DLC1: variants seen among roughly 807,000 people sequenced by gnomAD.
DLC1 encodes rho GTPase-activating protein 7.
A neutral mutation model predicts 140.3 loss-of-function variants in DLC1; 54 were observed. The ratio of observed to expected loss-of-function variants is 0.38; its 90% CI spans 0.31 to 0.48. The LOEUF (loss-of-function observed/expected upper bound fraction) is 0.48. DLC1 is among the 20% of genes least tolerant of loss of function. DLC1 has a pLI of 0.96. For synonymous variants in DLC1, 986 were observed against 728.1 expected (o/e 1.35, Z -5.70); for missense variants, 2,536 against 1,907.0 (o/e 1.33, Z -6.14).
At chr8:13,251,263 G>A (rs546141618) in intron 5 of DLC1, among the ~76,000 whole-genome samples, 1 of 152,254 alleles carries the variant, frequency 6.6e-6, no homozygotes, top group East Asian at 1.9e-4. Flanking sequence ...TCCTAACACA[G>A]TAACATCGGG....
chr8:13,118,941 G>A (rs1330335086), intron 5 of DLC1, among the ~76,000 whole-genome samples: 2 of 152,092 alleles, frequency 1.3e-5, no homozygotes, highest in Non-Finnish European at 2.9e-5. Flanking sequence ...TAAAGAATGA[G>A]GTCTTAGCTC....
intron 2 of DLC1, among the ~76,000 whole-genome samples, chr8:13,492,749 T>C (rs1308547317): frequency 6.6e-6 from 1 of 152,210 alleles, no homozygotes. Context: ...CCAGACGCTA[T>C]ACCTAGCGTT....
chr8:13,154,572 C>T lies in DLC1; in HGVS notation c.1349-38915G>A, dbSNP rs186822329. 9.7e-3 allele frequency among the ~76,000 whole-genome samples: 1,470 copies of T among 152,260 alleles called. 18 individuals are homozygous for T. Among genetic ancestry groups the T allele is most frequent in the African/African-American group, 0.033 (1,364 of 41,546 alleles). On this transcript the variant is annotated intron_variant, in intron 5 of 17. Coordinates refer to ENST00000276297, the MANE Select transcript of DLC1 (RefSeq NM_182643.3). ...AGTGCGCAGCCCCGGTTCCTGCTGG[C>T]GCCTCTCCCTCCACACCTCCCGGCA... is the stretch of plus-strand genomic sequence containing the variant.
At chr8:13,215,211 CA>C (rs1214978923) in intron 5 of DLC1, among the ~76,000 whole-genome samples, 2 of 151,930 alleles carry the variant, frequency 1.3e-5, no homozygotes, top group Non-Finnish European at 2.9e-5. Flanking sequence ...AAACGTCTTA[CA>C]AAAAAATAAT....
intron 2 of DLC1, among the ~76,000 whole-genome samples, chr8:13,403,575 T>C (rs1260644610): frequency 6.6e-6 from 1 of 152,186 alleles, no homozygotes. Context: ...TGTCAAGATA[T>C]AAGCAAAGGA....
chr8:13,239,526 C>T (rs1423012957), intron 5 of DLC1, among the ~76,000 whole-genome samples: 1 of 152,130 alleles, frequency 6.6e-6, no homozygotes, highest in Non-Finnish European at 1.5e-5. Flanking sequence ...GGATCTGCGG[C>T]TGTGATCAGC....
intron 5 of DLC1, among the ~76,000 whole-genome samples, chr8:13,162,188 G>T (rs763890943): frequency 1.3e-5 from 2 of 152,098 alleles, no homozygotes; most frequent in African/African-American, 2.4e-5. Flanking sequence ...AACATAAGAG[G>T]AGATCAGGAA....
At position 13,499,443 on chromosome 8, in the gene DLC1, G is replaced by A. The variant is rs1416550346; in HGVS notation, c.629C>T (p.Ala210Val). Residue 210 changes from alanine (A) to valine (V), a missense_variant, in exon 2 of 18, where the codon GCA (alanine) becomes GTA (valine). By Grantham distance (64) the Ala-to-Val change is moderately conservative. Coordinates refer to ENST00000276297, the MANE Select transcript of DLC1 (RefSeq NM_182643.3). ...SEIKDAPKVN[A>V]VDTLNVKDIA... Reference sequence around the variant, plus strand: ...ATCTTTCACGTTCAAAGTATCCACTGCATTTACTTTGGGTGCATCTTTTAT... The same window carrying A: ...ATCTTTCACGTTCAAAGTATCCACTACATTTACTTTGGGTGCATCTTTTAT... 6.2e-7 allele frequency: 1 copy of A among 1,613,988 alleles called. No individual in the cohort carries two copies.
intron 4 of DLC1, among the ~76,000 whole-genome samples, chr8:13,323,459 C>A (rs1833208680): frequency 6.6e-6 from 1 of 152,270 alleles, no homozygotes; most frequent in African/African-American, 2.4e-5. Context: ...TGGAAATAGG[C>A]AGAAAGTGGG....
intron 5 of DLC1, among the ~76,000 whole-genome samples, chr8:13,168,810 A>G (rs1028739055): frequency 4.6e-5 from 7 of 152,226 alleles, no homozygotes; most frequent in Non-Finnish European, 7.3e-5. Flanking sequence ...TCTCGTTGCT[A>G]TATCTATCTG....
At chr8:13,354,925 C>G (rs1234371805) in intron 4 of DLC1, among the ~76,000 whole-genome samples, 2 of 146,632 alleles carry the variant, frequency 1.4e-5, no homozygotes, top group Non-Finnish European at 3.0e-5. Context: ...TGCACTCCAG[C>G]CTGGATGACA....
At chr8:13,106,319 A>G (rs907428986) in intron 7 of DLC1, among the ~76,000 whole-genome samples, 3 of 152,188 alleles carry the variant, frequency 2.0e-5, no homozygotes, top group Non-Finnish European at 2.9e-5. Flanking sequence ...TTTTCTTGGA[A>G]TCTGTGCAAT....
At chr8:13,322,074 ATTGGTGT>A (rs1833149890) in intron 4 of DLC1, among the ~76,000 whole-genome samples, 2 of 152,146 alleles carry the variant, frequency 1.3e-5, no homozygotes, top group East Asian at 3.8e-4. Flanking sequence ...CATTATTTAC[ATTGGTGT>A]TTTACATGTA....
At chr8:13,230,907 T>A (rs1563183543) in intron 5 of DLC1, among the ~76,000 whole-genome samples, 1 of 152,074 alleles carries the variant, frequency 6.6e-6, no homozygotes, top group East Asian at 1.9e-4. Flanking sequence ...CAGATATAGA[T>A]TTTTGATCGA....
chr8:13,210,720 T>A (rs73663646), intron 5 of DLC1, among the ~76,000 whole-genome samples: 1,575 of 152,320 alleles, frequency 0.01, 24 homozygotes, highest in African/African-American at 0.036. Context: ...CGCTTTAGGT[T>A]TTCCACTTTC....
chr8:13,437,132 CCT>C lies in DLC1; in HGVS notation c.1024-35515_1024-35514del, dbSNP rs1839156240. Reference sequence around the variant, plus strand: ...AGTTCCTACCTCTTTTTGCTGTCTTCCTCTGTCTACGCCATTCCTACTGTTTC... The same window carrying C: ...AGTTCCTACCTCTTTTTGCTGTCTTCCTGTCTACGCCATTCCTACTGTTTC... On this transcript the variant is annotated intron_variant, in intron 2 of 17. Coordinates refer to ENST00000276297, the MANE Select transcript of DLC1 (RefSeq NM_182643.3). Among the ~76,000 whole-genome samples, 11 of 152,282 alleles carry C rather than the reference CCT, an allele frequency of 7.2e-5. No homozygotes were observed. The South Asian group carries it at 2.1e-3, about 29-fold the overall frequency.
chr8:13,492,092 A>G (rs1036254569), intron 2 of DLC1, among the ~76,000 whole-genome samples: 1 of 152,124 alleles, frequency 6.6e-6, no homozygotes, highest in African/African-American at 2.4e-5. Context: ...GGGTATAGAG[A>G]GAACTGAGCA....
At chr8:13,243,883 C>T (rs1379109945) in intron 5 of DLC1, among the ~76,000 whole-genome samples, 1 of 152,114 alleles carries the variant, frequency 6.6e-6, no homozygotes. Flanking sequence ...TTTTGACTGT[C>T]CCTCTCTCTT....
intron 2 of DLC1, among the ~76,000 whole-genome samples, chr8:13,453,487 TATAC>T (rs1354121570): frequency 2.7e-5 from 1 of 36,942 alleles, no homozygotes; most frequent in African/African-American, 1.3e-4. Flanking sequence ...TATGTATATA[TATAC>T]ATATATATAT....
Sources: allele counts gnomAD v4.1 joint callset (sites outside exome capture counted in the v4.1 genomes callset), GRCh38; gene constraint gnomAD v4.1.1; transcripts MANE v1.5; gene names NCBI Gene and HGNC (gene_info 2026-07-23, HGNC 2026-07-21).